The following EXOC6B variants were observed in gnomAD, a reference collection of about 807,000 sequenced individuals.
EXOC6B encodes the protein SEC15 homolog B.
Under a neutral mutation model 113.5 loss-of-function variants are expected in EXOC6B, and 54 were observed. The observed-to-expected ratio is 0.48, with a 90% CI of 0.38 to 0.60. EXOC6B has a LOEUF of 0.60. Ranked by LOEUF, EXOC6B falls within the 20% of genes least tolerant of loss-of-function variation. EXOC6B has a pLI of 0.00. For missense variants in EXOC6B, 797 were observed against 977.5 expected (o/e 0.82, Z 2.46); for synonymous variants, 357 against 339.0 (o/e 1.05, Z -0.58).
intron 17 of EXOC6B, among the ~76,000 whole-genome samples, chr2:72,470,774 A>C (rs1215931718): frequency 6.7e-6 from 1 of 148,860 alleles, no homozygotes; most frequent in Non-Finnish European, 1.5e-5. Flanking sequence ...AGCTTCATCC[A>C]TGTCCCTACA....
chr2:72,268,510 CAT>C (rs1559078393), intron 20 of EXOC6B, among the ~76,000 whole-genome samples: 1 of 152,122 alleles, frequency 6.6e-6, no homozygotes, highest in Non-Finnish European at 1.5e-5. Context: ...TAGTATGACA[CAT>C]GTACGTAAGT....
At chr2:72,640,078 C>A (rs1013545234) in intron 6 of EXOC6B, among the ~76,000 whole-genome samples, 2 of 151,968 alleles carry the variant, frequency 1.3e-5, no homozygotes, top group Non-Finnish European at 2.9e-5. Context: ...CATTGAGCTA[C>A]AGGAGTATGT....
At chr2:72,820,928 C>T (rs954553731) in intron 1 of EXOC6B, among the ~76,000 whole-genome samples, 1 of 150,952 alleles carries the variant, frequency 6.6e-6, no homozygotes, top group African/African-American at 2.4e-5. Flanking sequence ...ATGCATTACG[C>T]AAAAGTTTCC....
intron 6 of EXOC6B, among the ~76,000 whole-genome samples, chr2:72,623,446 T>C (rs1671867425): frequency 1.3e-5 from 2 of 152,158 alleles, no homozygotes; most frequent in Non-Finnish European, 1.5e-5. Flanking sequence ...ACAACAGAAA[T>C]AGAGCTTAGC....
chr2:72,781,188 T>C (rs778649932), intron 1 of EXOC6B, among the ~76,000 whole-genome samples: 6 of 152,194 alleles, frequency 3.9e-5, no homozygotes, highest in African/African-American at 7.2e-5. Context: ...AATCTTACCC[T>C]AACATTTCTA....
chr2:72,628,835 A>G (rs1301126408), intron 6 of EXOC6B, among the ~76,000 whole-genome samples: 1 of 152,174 alleles, frequency 6.6e-6, no homozygotes, highest in African/African-American at 2.4e-5. Flanking sequence ...TTGTTACAAG[A>G]GCCAGAAATG....
chr2:72,234,501 C>T (rs7574693), intron 20 of EXOC6B, among the ~76,000 whole-genome samples: 8,571 of 152,048 alleles, frequency 0.056, 312 homozygotes, highest in Non-Finnish European at 0.087. Flanking sequence ...CATAGGCCCC[C>T]GGCAAAGATT....
intron 6 of EXOC6B, among the ~76,000 whole-genome samples, chr2:72,632,857 TA>T (rs773933233): frequency 8.5e-5 from 13 of 152,216 alleles, no homozygotes; most frequent in Admixed American, 8.5e-4. Flanking sequence ...AATTTGTTAA[TA>T]TTTGATAGAG....
At chr2:72,570,545 G>C (rs1228061646) in intron 7 of EXOC6B, among the ~76,000 whole-genome samples, 1 of 152,080 alleles carries the variant, frequency 6.6e-6, no homozygotes, top group Non-Finnish European at 1.5e-5. Flanking sequence ...TGAATCATTT[G>C]GTCAACAAAT....
At chr2:72,745,445 T>A (rs921539227) in intron 1 of EXOC6B, among the ~76,000 whole-genome samples, 1 of 152,044 alleles carries the variant, frequency 6.6e-6, no homozygotes, top group African/African-American at 2.4e-5. Context: ...GCCAGAGTAT[T>A]TTGAGAATTA....
rs1004157403 is a variant in EXOC6B at position 72,494,786 on chromosome 2, A to C, written c.1553+644T>G. Among the ~76,000 whole-genome samples the C allele has an allele frequency of 2.6e-5, 4 of 152,128 alleles. No individual in the cohort carries two copies. The South Asian group carries it at 8.3e-4, about 31-fold the overall frequency. On this transcript the variant is annotated intron_variant, in intron 15 of 21. Transcript: ENST00000272427. ...GGTACTCCTTGAAGACAGGGACCAC[A>C]TTTTCAGCAACTTAATTATTTCTAT... is the stretch of plus-strand genomic sequence containing the variant.
At chr2:72,660,676 A>G (rs1674944421) in intron 6 of EXOC6B, among the ~76,000 whole-genome samples, 1 of 152,208 alleles carries the variant, frequency 6.6e-6, no homozygotes, top group East Asian at 1.9e-4. Flanking sequence ...AGGTAAGTAT[A>G]TTGAAACTTC....
intron 20 of EXOC6B, among the ~76,000 whole-genome samples, chr2:72,268,757 A>G (rs929726153): frequency 2.0e-5 from 3 of 151,880 alleles, no homozygotes; most frequent in Non-Finnish European, 4.4e-5. Context: ...TATTTAAAGG[A>G]GTGTGGCACC....
intron 20 of EXOC6B, among the ~76,000 whole-genome samples, chr2:72,304,871 T>C (rs1240536735): frequency 1.3e-5 from 2 of 152,168 alleles, no homozygotes; most frequent in Non-Finnish European, 2.9e-5. Flanking sequence ...TGGGGCTAGG[T>C]TATTTTGGGC....
chr2:72,229,736 G>A (rs1360172569), intron 20 of EXOC6B, among the ~76,000 whole-genome samples: 1 of 152,202 alleles, frequency 6.6e-6, no homozygotes, highest in African/African-American at 2.4e-5. Context: ...AATTCCCAAT[G>A]AAGATTCAAA....
chr2:72,646,323 T>G (rs919008412), intron 6 of EXOC6B, among the ~76,000 whole-genome samples: 1 of 35,256 alleles, frequency 2.8e-5, no homozygotes, highest in African/African-American at 3.4e-5. Context: ...CCAAAAAAAG[T>G]CCAGGACCAG....
At chr2:72,730,225 G>C (rs2048171) in intron 5 of EXOC6B, among the ~76,000 whole-genome samples, 1 of 152,126 alleles carries the variant, frequency 6.6e-6, no homozygotes, top group Admixed American at 6.5e-5. Flanking sequence ...TGGCTGACCA[G>C]AGGAGCCAGA....
At chr2:72,330,674 T>C (rs1012625686) in intron 20 of EXOC6B, among the ~76,000 whole-genome samples, 18 of 152,186 alleles carry the variant, frequency 1.2e-4, no homozygotes, top group Admixed American at 2.0e-4. Context: ...TTGCTCTTCA[T>C]TTGCATTGTT....
intron 6 of EXOC6B, among the ~76,000 whole-genome samples, chr2:72,604,400 C>CA (rs925713686): frequency 6.6e-6 from 1 of 151,970 alleles, no homozygotes; most frequent in Admixed American, 6.6e-5. Flanking sequence ...AAAAAGAAAA[C>CA]AAAAAAGAAT....
Sources: allele counts gnomAD v4.1 joint callset (sites outside exome capture counted in the v4.1 genomes callset), GRCh38; gene constraint gnomAD v4.1.1; transcripts MANE v1.5; gene names NCBI Gene and HGNC (gene_info 2026-07-23, HGNC 2026-07-21).